Variants in SIPA1L3 observed in about 807,000 individuals in gnomAD.
SIPA1L3 encodes signal-induced proliferation-associated 1-like protein 3.
In SIPA1L3, 59 loss-of-function variants were observed where a neutral mutation model predicts 150.1. The ratio of observed to expected loss-of-function variants is 0.39; its 90% CI spans 0.32 to 0.49. The LOEUF is 0.49. SIPA1L3 is among the 20% of genes least tolerant of loss of function. The pLI, the probability that SIPA1L3 is intolerant of heterozygous loss-of-function variation, is 0.86. For synonymous variants in SIPA1L3, 1,070 were observed against 1,077.6 expected (o/e 0.99, Z 0.14); for missense variants, 2,211 against 2,489.5 (o/e 0.89, Z 2.38).
Position 38,081,987 on chromosome 19 carries a change from T to C in SIPA1L3, c.422T>C (p.Leu141Pro), listed in dbSNP as rs748947982. The C allele has an allele frequency of 6.2e-7, 1 of 1,613,970 alleles. No individual in the cohort carries two copies. The highest frequency in any genetic ancestry group is 2.2e-5 in the East Asian group (1 of 44,854). The stretch of plus-strand genomic sequence containing the variant: ...TCAGGGTCCAAAGCCTTCCACCGAC[T>C]CTCCAGGAGAAGGTCCAAAGACGTG... ...ASSGSKAFHR[L>P]SRRRSKDVEF... The change falls in exon 3 of 22, where the codon CTC becomes CCC. Residue 141 changes from leucine (L) to proline (P), a missense_variant. Transcript: ENST00000222345.
In SIPA1L3 at chr19:38,119,427, A is replaced by G; in HGVS notation, c.2413A>G (p.Asn805Asp). ...GCTGGCCAAGGTGATTAACGCTGAG[A>G]ACGCCGCGCACAAGTCCGACAAGTT... is the stretch of plus-strand genomic sequence containing the variant. The part of the protein sequence containing the change: ...FLLAKVINAE[N>D]AAHKSDKFHT... Residue 805 changes from asparagine to aspartate, a missense_variant, in exon 9 of 22, where the codon AAC becomes GAC. Around this residue, in one of 5 missense-constraint regions of SIPA1L3, gnomAD observed 625 missense variants for 804.2 expected, o/e 0.78. Transcript: ENST00000222345. 6.2e-7 allele frequency: 1 copy of G among 1,614,122 alleles called. No homozygotes were observed. Among genetic ancestry groups the G allele is most frequent in the Non-Finnish European group, 8.5e-7 (1 of 1,180,024 alleles).
chr19:38,077,890 C>T (rs549283599), intron 2 of SIPA1L3, among the ~76,000 whole-genome samples: 1 of 151,970 alleles, frequency 6.6e-6, no homozygotes, highest in Admixed American at 6.6e-5. Flanking sequence ...AGGCTGGTCT[C>T]GAACTCCTGA....
intron 15 of SIPA1L3, among the ~76,000 whole-genome samples, chr19:38,177,957 C>T (rs949798391): frequency 6.6e-5 from 10 of 150,856 alleles, no homozygotes; most frequent in Admixed American, 2.6e-4. Context: ...ACCCCGGAGG[C>T]GCAGAGGTTG....
intron 20 of SIPA1L3, 112 bp downstream of exon 20, chr19:38,202,109 G>C (rs1200154022): frequency 9.1e-7 from 1 of 1,093,640 alleles, no homozygotes; most frequent in Non-Finnish European, 1.3e-6. Context: ...CTCTCCGGGC[G>C]GAAGCTGATA....
chr19:38,066,563 C>G (rs996264971), intron 2 of SIPA1L3, among the ~76,000 whole-genome samples: 2 of 152,210 alleles, frequency 1.3e-5, no homozygotes, highest in Non-Finnish European at 2.9e-5. Flanking sequence ...CGGTGGCTCA[C>G]GCCTGTAATC....
intron 1 of SIPA1L3, among the ~76,000 whole-genome samples, chr19:38,008,671 C>A (rs563223647): frequency 6.6e-6 from 1 of 152,132 alleles, no homozygotes; most frequent in Non-Finnish European, 1.5e-5. Flanking sequence ...ATCCTCCTGC[C>A]TCAGCCTCTT....
intron 1 of SIPA1L3, among the ~76,000 whole-genome samples, chr19:37,914,921 G>C (rs767352095): frequency 5.3e-5 from 8 of 152,196 alleles, no homozygotes; most frequent in Non-Finnish European, 8.8e-5. Flanking sequence ...GTCCAGTGAA[G>C]TAATTAACTT....
chr19:37,910,319 C>T (rs897094438), intron 1 of SIPA1L3, among the ~76,000 whole-genome samples: 2 of 151,638 alleles, frequency 1.3e-5, no homozygotes, highest in African/African-American at 2.4e-5. Context: ...CCTGTAATCC[C>T]AGCACTTTGG....
chr19:38,125,409 G>A lies in SIPA1L3; in HGVS notation c.2869-5089G>A, dbSNP rs551741388. Among the ~76,000 whole-genome samples, 6 of 152,258 alleles carry A rather than the reference G, an allele frequency of 3.9e-5. 1 individual carries two copies. Among genetic ancestry groups the A allele is most frequent in the Non-Finnish European group, 5.9e-5 (4 of 68,028 alleles). On this transcript the variant is annotated intron_variant, in intron 9 of 21. Coordinates refer to ENST00000222345, the MANE Select transcript of SIPA1L3 (RefSeq NM_015073.3). ...CAGCAGCTCGCGTTTCTTGAGCAGG[G>A]ACCATGCCAGGCACCATGCCAGGTG...
chr19:38,132,444 C>T (rs1246823008), intron 10 of SIPA1L3, among the ~76,000 whole-genome samples: 3 of 150,796 alleles, frequency 2.0e-5, no homozygotes, highest in Admixed American at 6.6e-5. Context: ...ATTAGCTGGG[C>T]GTGGTGGCGC....
chr19:38,047,234 G>A lies in SIPA1L3; in HGVS notation c.-311+18078G>A, dbSNP rs944514159. ...CCTGTTCTCCCCCGCCGACACACAC[G>A]CACGCACACACGCACGCACTCACAC... On this transcript the variant is annotated intron_variant, in intron 2 of 21. Transcript: ENST00000222345. This position sits in a 1 kb window ranked among gnomAD's most constrained non-coding sequence, Gnocchi z 4.7. 6.6e-6 allele frequency among the ~76,000 whole-genome samples: 1 copy of A among 151,838 alleles called. No individual in the cohort carries two copies. Among genetic ancestry groups the A allele is most frequent in the African/African-American group, 2.4e-5 (1 of 41,292 alleles).
intron 3 of SIPA1L3, among the ~76,000 whole-genome samples, chr19:38,086,161 A>G (rs1424871217): frequency 6.6e-6 from 1 of 152,192 alleles, no homozygotes. Flanking sequence ...TTGATTTTAC[A>G]CTGTATATGT....
chr19:38,031,678 A>G (rs781327765), intron 2 of SIPA1L3, among the ~76,000 whole-genome samples: 4 of 152,210 alleles, frequency 2.6e-5, no homozygotes, highest in Non-Finnish European at 5.9e-5. Flanking sequence ...ATTTCTCCAC[A>G]GTAAAGTTAC....
chr19:37,909,883 A>G (rs1170962358), intron 1 of SIPA1L3, among the ~76,000 whole-genome samples: 9 of 151,816 alleles, frequency 5.9e-5, no homozygotes, highest in Admixed American at 5.9e-4. Context: ...ATTTCATTTG[A>G]TGATAGAAAC....
intron 2 of SIPA1L3, among the ~76,000 whole-genome samples, chr19:38,077,661 CTTTTTTTTTTTTTTTTTT>C (rs58788182): frequency 1.4e-3 from 93 of 64,354 alleles, no homozygotes; most frequent in African/African-American, 5.0e-3. Context: ...TTTTCTTTTT[CTTTTTTTTTTTTTTTTTT>C]TTTTTTTTTG....
At position 38,119,592 on chromosome 19, in the gene SIPA1L3, C is replaced by T. The variant is rs147725895; in HGVS notation, c.2578C>T (p.Arg860Trp). The T allele has an allele frequency of 2.7e-5, 43 of 1,614,108 alleles. No homozygotes were observed. The highest frequency in any genetic ancestry group is 3.3e-5 in the Non-Finnish European group (39 of 1,180,050). Reference sequence around the variant, plus strand: ...CAAGAAGAAGGAAAAGACAAAAGCACGGGCTGGCGCTGAGCAGCACAGTGC... The same window carrying T: ...CAAGAAGAAGGAAAAGACAAAAGCATGGGCTGGCGCTGAGCAGCACAGTGC... The part of the protein sequence containing the change: ...TSKKKEKTKA[R>W]AGAEQHSAGA... The change falls in exon 9 of 22, where the codon CGG (arginine) becomes TGG (tryptophan). Residue 860 changes from arginine to tryptophan, a missense_variant. By Grantham distance (101) the Arg-to-Trp change is moderately radical. Around this residue, in one of 5 missense-constraint regions of SIPA1L3, gnomAD observed 625 missense variants for 804.2 expected, o/e 0.78. Transcript: ENST00000222345.
In SIPA1L3 at chr19:38,164,980, G is replaced by A. The variant is rs1972179525; in HGVS notation, c.4208+74G>A. 1.5e-6 allele frequency: 2 copies of A among 1,361,792 alleles called. No homozygotes were observed. The highest frequency in any genetic ancestry group is 9.8e-7 in the Non-Finnish European group (1 of 1,022,960). 84.4% of individuals were successfully genotyped at this position (1,361,792 alleles called of 1,614,324 possible). A position where few individuals can be genotyped will look rare whatever the true frequency, so the allele number is the denominator to read the frequency against. On this transcript the variant is annotated intron_variant, in intron 15 of 21. Coordinates refer to ENST00000222345, the MANE Select transcript of SIPA1L3 (RefSeq NM_015073.3). This position sits in a 1 kb window ranked among gnomAD's most constrained non-coding sequence, Gnocchi z 4.1. ...GTTCTACTTTTACGGTCCTGATGGTGGGGTTCTCCTCCCCAGAAACACACT... is the reference window on the plus strand; with the variant it reads ...GTTCTACTTTTACGGTCCTGATGGTAGGGTTCTCCTCCCCAGAAACACACT...
At chr19:38,196,866 C>G (rs1389207032) in intron 18 of SIPA1L3, among the ~76,000 whole-genome samples, 1 of 152,156 alleles carries the variant, frequency 6.6e-6, no homozygotes, top group Non-Finnish European at 1.5e-5. Flanking sequence ...AGCTGAACGG[C>G]CTGAGTTTAT....
chr19:38,154,345 C>G (rs971697536), intron 13 of SIPA1L3, among the ~76,000 whole-genome samples: 1 of 152,196 alleles, frequency 6.6e-6, no homozygotes, highest in Non-Finnish European at 1.5e-5. Context: ...TAGGAACATT[C>G]TTGTGCCTGT....
Sources: allele counts gnomAD v4.1 joint callset (sites outside exome capture counted in the v4.1 genomes callset), GRCh38; gene constraint gnomAD v4.1.1; regional missense constraint gnomAD v4.1.1; non-coding constraint Gnocchi (gnomAD v3.1); transcripts MANE v1.5; gene names NCBI Gene and HGNC (gene_info 2026-07-23, HGNC 2026-07-21).